UTRN: variants seen among roughly 807,000 people sequenced by gnomAD.
UTRN encodes dystrophin-related protein 1.
UTRN carries 283 observed loss-of-function variants against 463.9 expected under a neutral mutation model. The ratio of observed to expected loss-of-function variants is 0.61; its 90% CI spans 0.55 to 0.67. UTRN has a LOEUF of 0.67. Ranked by LOEUF, UTRN falls within the 30% of genes least tolerant of loss-of-function variation. The pLI is 0.00. For synonymous variants in UTRN, 1,442 were observed against 1,431.5 expected (o/e 1.01, Z -0.17); for missense variants, 3,922 against 4,084.3 (o/e 0.96, Z 1.08).
Position 144,539,591 on chromosome 6 carries a change from A to G in UTRN, c.6519+148A>G, listed in dbSNP as rs141882703. 2.7e-4 allele frequency: 207 copies of G among 768,310 alleles called. 2 individuals are homozygous for G. The African/African-American group carries it at 2.9e-3, about 11-fold the overall frequency. 47.6% of individuals were successfully genotyped at this position (768,310 alleles called of 1,614,324 possible). On this transcript the variant is annotated intron_variant, in intron 45 of 74. Coordinates refer to ENST00000367545, the MANE Select transcript of UTRN (RefSeq NM_007124.3). ...CTAATGTTTATATTTTTTATCTGTCATAGACAGAGGCATATATTCTAGAAG... is the reference window on the plus strand; with the variant it reads ...CTAATGTTTATATTTTTTATCTGTCGTAGACAGAGGCATATATTCTAGAAG...
intron 59 of UTRN, among the ~76,000 whole-genome samples, chr6:144,773,470 T>C (rs573627516): frequency 1.3e-5 from 2 of 152,324 alleles, no homozygotes; most frequent in Admixed American, 6.5e-5. Flanking sequence ...AAAGGGGTGG[T>C]ACCTTTTCTC....
chr6:144,463,810 C>A (rs1322677525), intron 23 of UTRN, among the ~76,000 whole-genome samples: 2 of 151,250 alleles, frequency 1.3e-5, no homozygotes, highest in African/African-American at 4.9e-5. Flanking sequence ...GTATATCTAT[C>A]TATCTATATA....
chr6:144,538,657 G>A (rs1329024851), intron 44 of UTRN, among the ~76,000 whole-genome samples: 1 of 145,828 alleles, frequency 6.9e-6, no homozygotes, highest in African/African-American at 2.5e-5. Flanking sequence ...CTGACAGAGC[G>A]AGACTCCGTC....
At chr6:144,481,574 C>CCTCCA (rs1486761831) in intron 26 of UTRN, among the ~76,000 whole-genome samples, 1 of 152,200 alleles carries the variant, frequency 6.6e-6, no homozygotes, top group South Asian at 2.1e-4. Flanking sequence ...TCTGCTCAGC[C>CCTCCA]CTCCAGTGAT....
intron 48 of UTRN, among the ~76,000 whole-genome samples, chr6:144,553,841 G>A (rs1008429928): frequency 2.0e-5 from 3 of 151,676 alleles, no homozygotes; most frequent in East Asian, 1.9e-4. Context: ...ACCTGGGGGC[G>A]GAGGTTGCAG....
chr6:144,771,826 C>T, intron 58 of UTRN, 81 bp from the exon 59 acceptor site: 1 of 1,138,816 alleles, frequency 8.8e-7, no homozygotes, highest in Non-Finnish European at 1.3e-6. Flanking sequence ...AAAATCATTT[C>T]TACTTGGGTA....
chr6:144,844,150 A>G (rs1306130548), intron 73 of UTRN, among the ~76,000 whole-genome samples: 1 of 152,252 alleles, frequency 6.6e-6, no homozygotes, highest in Non-Finnish European at 1.5e-5. Flanking sequence ...TGACTTATTT[A>G]TAAAATTGAT....
At chr6:144,427,562 T>C (rs1026920026) in intron 7 of UTRN, among the ~76,000 whole-genome samples, 4 of 152,308 alleles carry the variant, frequency 2.6e-5, no homozygotes, top group Admixed American at 6.5e-5. Context: ...GCAATGTTGA[T>C]TTGAATTGGT....
At chr6:144,518,129 C>T (rs750896378) in intron 39 of UTRN, among the ~76,000 whole-genome samples, 1 of 152,150 alleles carries the variant, frequency 6.6e-6, no homozygotes, top group East Asian at 1.9e-4. Flanking sequence ...ACTTCACTAT[C>T]CTTTCCATAA....
chr6:144,752,784 T>C (rs1262316518), intron 56 of UTRN, among the ~76,000 whole-genome samples: 1 of 152,196 alleles, frequency 6.6e-6, no homozygotes, highest in Non-Finnish European at 1.5e-5. Context: ...CATGTGATGA[T>C]TCTTATGGTC....
intron 2 of UTRN, among the ~76,000 whole-genome samples, chr6:144,302,677 A>G (rs1211824668): frequency 6.6e-6 from 1 of 152,238 alleles, no homozygotes; most frequent in Non-Finnish European, 1.5e-5. Flanking sequence ...CTAGTTGGAA[A>G]GAAAGACATC....
intron 2 of UTRN, among the ~76,000 whole-genome samples, chr6:144,373,612 G>A (rs143532886): frequency 1.3e-5 from 2 of 152,290 alleles, no homozygotes; most frequent in East Asian, 3.9e-4. Flanking sequence ...ACAACTTTGT[G>A]CATACAGTAA....
intron 52 of UTRN, among the ~76,000 whole-genome samples, chr6:144,691,413 G>C (rs1046942956): frequency 5.3e-5 from 8 of 152,196 alleles, no homozygotes; most frequent in African/African-American, 1.9e-4. Flanking sequence ...CACTGCACCT[G>C]GCCCCAACTT....
At chr6:144,406,952 G>A (rs1783475849) in intron 3 of UTRN, among the ~76,000 whole-genome samples, 1 of 151,904 alleles carries the variant, frequency 6.6e-6, no homozygotes, top group Admixed American at 6.6e-5. Flanking sequence ...CCATCCCGGT[G>A]GGCCCTCCCT....
intron 23 of UTRN, among the ~76,000 whole-genome samples, chr6:144,470,438 C>T (rs1165171212): frequency 2.6e-5 from 4 of 151,880 alleles, no homozygotes; most frequent in Non-Finnish European, 5.9e-5. Context: ...GGGTCGCGGC[C>T]GGGCAGAGGC....
At position 144,408,609 on chromosome 6, in the gene UTRN, A is replaced by G. The variant is rs545650142; in HGVS notation, c.141+5425A>G. Among the ~76,000 whole-genome samples the G allele has an allele frequency of 6.8e-4, 104 of 152,362 alleles. No homozygotes were observed. The Middle Eastern group carries it at 0.01, about 15-fold the overall frequency. ...GATGAGCCAAGTTTTCATGTAAGTT[A>G]CAATTCCAACCTTGAAATTCAAATT... On this transcript the variant is annotated intron_variant, in intron 3 of 74. Transcript: ENST00000367545.
intron 53 of UTRN, among the ~76,000 whole-genome samples, chr6:144,721,580 G>A (rs1420092103): frequency 1.3e-5 from 2 of 152,062 alleles, no homozygotes; most frequent in Non-Finnish European, 2.9e-5. Flanking sequence ...TTGCTTGGAG[G>A]CCAAAACTTC....
chr6:144,730,927 GACA>G (rs1165221137), intron 54 of UTRN, among the ~76,000 whole-genome samples: 3 of 151,006 alleles, frequency 2.0e-5, no homozygotes, highest in Non-Finnish European at 4.4e-5. Flanking sequence ...TTTACAAGCA[GACA>G]ACATTTCTTT....
At chr6:144,493,641 A>C (rs1486541434) in intron 33 of UTRN, among the ~76,000 whole-genome samples, 185 bp downstream of exon 33, 1 of 152,196 alleles carries the variant, frequency 6.6e-6, no homozygotes, top group Non-Finnish European at 1.5e-5. Flanking sequence ...CTTTAAATGT[A>C]TGTGGTAATA....
Sources: gnomAD v4.1 joint callset for allele counts (sites outside exome capture counted in the v4.1 genomes callset) on GRCh38, gnomAD v4.1.1 for gene constraint, MANE v1.5 for transcripts, NCBI Gene and HGNC (gene_info 2026-07-23, HGNC 2026-07-21) for gene names.